The following CPAP variants were observed in gnomAD, a reference collection of about 807,000 sequenced individuals.
CPAP encodes the protein centrosomal P4.1-associated protein.
chr13:24,891,470 T>C, the CPAP span, among the ~76,000 whole-genome samples: 6 of 152,178 alleles, frequency 3.9e-5, no homozygotes, highest in African/African-American at 1.2e-4. Flanking sequence ...TGCTCCCTTC[T>C]TGCGGTTGCT....
chr13:24,895,082 C>T, the CPAP span, among the ~76,000 whole-genome samples: 1 of 152,238 alleles, frequency 6.6e-6, no homozygotes, highest in Non-Finnish European at 1.5e-5. Context: ...CTGCCAGGTC[C>T]CGGTGAGCAC....
chr13:24,906,298 A>C, the CPAP span: 2 of 1,600,772 alleles, frequency 1.2e-6, no homozygotes, highest in African/African-American at 2.7e-5. Flanking sequence ...CTTGTTCTAA[A>C]AACAAAAATT....
the CPAP span, chr13:24,899,403 T>G: frequency 6.3e-7 from 1 of 1,599,402 alleles, no homozygotes; most frequent in Non-Finnish European, 8.6e-7. Context: ...GAATATAACA[T>G]AAAGAACTAG....
the CPAP span, chr13:24,886,050 GCTATGGTATAAA>G: frequency 2.7e-6 from 1 of 364,622 alleles, no homozygotes; most frequent in Non-Finnish European, 5.3e-6. Flanking sequence ...TGCCCTTGTG[GCTATGGTATAAA>G]CTTTTTGTAA....
chr13:24,920,619 C>CTT, the CPAP span, among the ~76,000 whole-genome samples: 11,016 of 125,016 alleles, frequency 0.088, 816 homozygotes, highest in African/African-American at 0.15. Flanking sequence ...AATATGATTC[C>CTT]TTTTTTTTTT....
the CPAP span, among the ~76,000 whole-genome samples, chr13:24,890,692 CTTTT>C: frequency 6.6e-6 from 1 of 152,190 alleles, no homozygotes; most frequent in African/African-American, 2.4e-5. Context: ...CCAGCCTCTG[CTTTT>C]GTTCACAGAG....
chr13:24,912,810 A>G, the CPAP span: 5 of 1,614,022 alleles, frequency 3.1e-6, no homozygotes, highest in South Asian at 3.3e-5. Context: ...CAAGAAGTGA[A>G]TCTTCTTCAT....
chr13:24,891,726 C>G, the CPAP span, among the ~76,000 whole-genome samples: 2 of 152,160 alleles, frequency 1.3e-5, no homozygotes, highest in Admixed American at 1.3e-4. Context: ...GGCCCGGCCA[C>G]CCTTCATTCA....
chr13:24,895,384 G>A, the CPAP span, among the ~76,000 whole-genome samples: 1 of 152,028 alleles, frequency 6.6e-6, no homozygotes, highest in African/African-American at 2.4e-5. Context: ...GACCATCCTG[G>A]CTAACACGGT....
At chr13:24,886,478 G>GTAAC in the CPAP span, 2 of 591,914 alleles carry the variant, frequency 3.4e-6, no homozygotes, top group South Asian at 3.0e-5. Flanking sequence ...ATGATTCAAT[G>GTAAC]TAACTAATAG....
chr13:24,911,666 A>T, the CPAP span, among the ~76,000 whole-genome samples: 9 of 150,834 alleles, frequency 6.0e-5, no homozygotes, highest in Admixed American at 6.0e-4. Flanking sequence ...TCTCCAGAGT[A>T]GCTAGGACTG....
At chr13:24,892,789 G>A in the CPAP span, 1 of 1,613,716 alleles carries the variant, frequency 6.2e-7, no homozygotes, top group Admixed American at 1.7e-5. Context: ...TGGCTTCTGA[G>A]ACGGCTGTGT....
chr13:24,908,401 C>T, the CPAP span, among the ~76,000 whole-genome samples: 3 of 134,560 alleles, frequency 2.2e-5, no homozygotes, highest in African/African-American at 5.6e-5. Context: ...GAATTCGAGC[C>T]CAGCCTGGCC....
the CPAP span, chr13:24,892,778 C>T: frequency 6.2e-7 from 1 of 1,613,822 alleles, no homozygotes; most frequent in Non-Finnish European, 8.5e-7. Flanking sequence ...ACATTTGTAT[C>T]TGGCTTCTGA....
chr13:24,916,109 T>C, the CPAP span, among the ~76,000 whole-genome samples: 1 of 151,976 alleles, frequency 6.6e-6, no homozygotes, highest in Non-Finnish European at 1.5e-5. Context: ...AGGAATTACA[T>C]AGAAAAGCAA....
the CPAP span, chr13:24,899,395 A>C: frequency 2.5e-6 from 4 of 1,584,804 alleles, no homozygotes; most frequent in Non-Finnish European, 2.6e-6. Context: ...ACTTACATGA[A>C]TATAACATAA....
chr13:24,892,693 C>G, the CPAP span: 1 of 1,614,194 alleles, frequency 6.2e-7, no homozygotes, highest in South Asian at 1.1e-5. Context: ...ATGGCTTCTG[C>G]TCTCTTCCAG....
At chr13:24,884,622 T>C in the CPAP span, among the ~76,000 whole-genome samples, 1 of 152,224 alleles carries the variant, frequency 6.6e-6, no homozygotes, top group African/African-American at 2.4e-5. Context: ...CTCGTGATTT[T>C]CTAATTTTCT....
chr13:24,906,802 CA>C, the CPAP span: 1 of 1,614,200 alleles, frequency 6.2e-7, no homozygotes, highest in Non-Finnish European at 8.5e-7. Flanking sequence ...CCATTTTAAA[CA>C]GCGGCTGGTC....
Sources: allele counts gnomAD v4.1 joint callset (sites outside exome capture counted in the v4.1 genomes callset), GRCh38; gene constraint gnomAD v4.1.1; transcripts MANE v1.5; gene names NCBI Gene and HGNC (gene_info 2026-07-23, HGNC 2026-07-21).